IQCH: variants seen among roughly 807,000 people sequenced by gnomAD.
IQCH encodes the protein IQ domain-containing protein H.
Under a neutral mutation model 117.0 loss-of-function variants are expected in IQCH, and 98 were observed. The observed-to-expected ratio is 0.84, with a 90% CI of 0.71 to 0.99. The LOEUF is 0.99. Among genes scored for constraint, IQCH ranks in the 50% least tolerant of loss-of-function variants. The probability of loss-of-function intolerance (pLI) is 0.00; values close to 1 mark genes in which losing one functional copy is unlikely to be tolerated. For synonymous variants in IQCH, 412 were observed against 448.2 expected (o/e 0.92, Z 1.02); for missense variants, 1,102 against 1,243.8 (o/e 0.89, Z 1.72).
At chr15:67,442,744 G>A (rs953809079) in intron 16 of IQCH, among the ~76,000 whole-genome samples, 2 of 151,856 alleles carry the variant, frequency 1.3e-5, no homozygotes, top group African/African-American at 4.8e-5. Flanking sequence ...ATTTATAGCA[G>A]CACAATTCAC....
intron 16 of IQCH, among the ~76,000 whole-genome samples, chr15:67,451,767 C>T (rs888055534): frequency 1.3e-5 from 2 of 152,102 alleles, no homozygotes; most frequent in Non-Finnish European, 2.9e-5. Context: ...GAGTTCAATT[C>T]CTGGGTGTCC....
In IQCH at chr15:67,445,836, A is replaced by C. The variant is rs767170615; in HGVS notation, c.2506-19291A>C. Among the ~76,000 whole-genome samples the C allele has an allele frequency of 2.0e-5, 3 of 152,194 alleles. No individual in the cohort carries two copies. Among genetic ancestry groups the C allele is most frequent in the Non-Finnish European group, 2.9e-5 (2 of 68,032 alleles). Reference sequence around the variant, plus strand: ...TGATCAGGTAGTCAGGAACCAATAGAAGTCCAAATAATGCAACAAAATTCA... The same window carrying C: ...TGATCAGGTAGTCAGGAACCAATAGCAGTCCAAATAATGCAACAAAATTCA... On this transcript the variant is annotated intron_variant, in intron 16 of 20. Coordinates refer to ENST00000335894, the MANE Select transcript of IQCH (RefSeq NM_001031715.3). This position sits in a 1 kb window ranked among gnomAD's most constrained non-coding sequence, Gnocchi z 4.3.
chr15:67,366,921 T>C lies in IQCH; in HGVS notation c.754-5190T>C, dbSNP rs1028085649. On this transcript the variant is annotated intron_variant, in intron 8 of 20. Transcript: ENST00000335894. This position sits in a 1 kb window ranked among gnomAD's most constrained non-coding sequence, Gnocchi z 4.4. ...ACGAAAAAAATCCCCCAGGTTTTTT[T>C]CATGGTGCATAAAGTGATGCCATTG... 6.6e-6 allele frequency among the ~76,000 whole-genome samples: 1 copy of C among 152,210 alleles called. No individual in the cohort carries two copies. Among genetic ancestry groups the C allele is most frequent in the Non-Finnish European group, 1.5e-5 (1 of 68,034 alleles).
chr15:67,327,775 C>T (rs1968477388), intron 4 of IQCH, among the ~76,000 whole-genome samples: 1 of 152,140 alleles, frequency 6.6e-6, no homozygotes, highest in Admixed American at 6.5e-5. Context: ...TGGCTGGGCT[C>T]CTTTAAAACC....
intron 4 of IQCH, among the ~76,000 whole-genome samples, chr15:67,295,520 T>C (rs1794841454): frequency 6.6e-6 from 1 of 152,172 alleles, no homozygotes; most frequent in Non-Finnish European, 1.5e-5. Context: ...CTAGCAGCCA[T>C]CTTAGACCAG....
intron 16 of IQCH, among the ~76,000 whole-genome samples, chr15:67,452,365 G>A (rs958508874): frequency 6.6e-6 from 1 of 152,174 alleles, no homozygotes; most frequent in African/African-American, 2.4e-5. Context: ...GCTGGTACTG[G>A]TTGTTCCTTT....
rs1201292894 is a variant in IQCH, at chr15:67,371,523, G to C, written c.754-588G>C. 3.8e-6 allele frequency: 6 copies of C among 1,570,300 alleles called. No individual in the cohort carries two copies. In the African/African-American group the frequency reaches 8.2e-5, roughly 21 times the overall value. On this transcript the variant is annotated intron_variant, in intron 8 of 20. Coordinates refer to ENST00000335894, the MANE Select transcript of IQCH (RefSeq NM_001031715.3). ...AGAACACGTGTCAAGAGAAACCTAA[G>C]AATGACAAAGGTGATAACATATAAC...
At chr15:67,317,555 T>A (rs1967907535) in intron 4 of IQCH, among the ~76,000 whole-genome samples, 1 of 152,196 alleles carries the variant, frequency 6.6e-6, no homozygotes. Flanking sequence ...AAGGTAGAAT[T>A]AATTTTCTCT....
At chr15:67,350,283 T>C (rs1351768535) in intron 6 of IQCH, among the ~76,000 whole-genome samples, 1 of 152,186 alleles carries the variant, frequency 6.6e-6, no homozygotes, top group Non-Finnish European at 1.5e-5. Context: ...CTACACACCA[T>C]ATGATTCTAT....
At chr15:67,275,820 C>T (rs1438889766) in intron 3 of IQCH, among the ~76,000 whole-genome samples, 2 of 152,190 alleles carry the variant, frequency 1.3e-5, no homozygotes, top group African/African-American at 2.4e-5. Context: ...ATTGAGGCTG[C>T]AGTGAGCCGT....
rs1430818947 is a variant in IQCH, at chr15:67,344,174, G to GT, written c.621dup (p.Lys208Ter). ...CCTCTGCATAGTTTTGATGAAGCAC[G>GT]TAAGATTCCAACTGTAGGTAAGATA... On this transcript the variant is annotated frameshift_variant, in exon 6 of 21. Coordinates refer to ENST00000335894, the MANE Select transcript of IQCH (RefSeq NM_001031715.3). LOFTEE classifies it high-confidence loss of function. The GT allele has an allele frequency of 6.2e-7, 1 of 1,613,210 alleles. No individual in the cohort carries two copies. Among genetic ancestry groups the GT allele is most frequent in the Non-Finnish European group, 8.5e-7 (1 of 1,179,584 alleles).
chr15:67,412,694 C>T (rs1192471685), intron 14 of IQCH, among the ~76,000 whole-genome samples: 1 of 152,142 alleles, frequency 6.6e-6, no homozygotes, highest in Non-Finnish European at 1.5e-5. Context: ...CCACCGCGCC[C>T]GGCCTCATTT....
rs2140930595 is a variant in IQCH, at chr15:67,426,019, G to C, written c.2505+4442G>C. 6.6e-6 allele frequency among the ~76,000 whole-genome samples: 1 copy of C among 152,270 alleles called. No homozygotes were observed. Among genetic ancestry groups the C allele is most frequent in the South Asian group, 2.1e-4 (1 of 4,818 alleles). The stretch of plus-strand genomic sequence containing the variant: ...TTCAGGGTGTGTCTTGTGTCCTTTT[G>C]ACATGTCCTCATCATTCTTTGAGCA... On this transcript the variant is annotated intron_variant, in intron 16 of 20. Coordinates refer to ENST00000335894, the MANE Select transcript of IQCH (RefSeq NM_001031715.3). This position sits in a 1 kb window ranked among gnomAD's most constrained non-coding sequence, Gnocchi z 5.1.
intron 16 of IQCH, among the ~76,000 whole-genome samples, chr15:67,461,458 C>T (rs1025202184): frequency 1.3e-5 from 2 of 152,166 alleles, no homozygotes; most frequent in African/African-American, 4.8e-5. Context: ...TGGCAGCATC[C>T]CCTAAAGGGC....
At chr15:67,345,974 TAAG>T (rs943553148) in intron 6 of IQCH, among the ~76,000 whole-genome samples, 2 of 152,062 alleles carry the variant, frequency 1.3e-5, no homozygotes, top group Non-Finnish European at 2.9e-5. Flanking sequence ...TATTCCAAAA[TAAG>T]AAGTTTATAT....
At position 67,366,201 on chromosome 15, in the gene IQCH, G is replaced by T. The variant is rs1300871152; in HGVS notation, c.754-5910G>T. On this transcript the variant is annotated intron_variant, in intron 8 of 20. Transcript: ENST00000335894. This position sits in a 1 kb window ranked among gnomAD's most constrained non-coding sequence, Gnocchi z 4.4. ...CTGCTTTTGATTCCCATCCTGTCAG[G>T]CTTCCTGTCCACATCCCCAGCAGGT... Among the ~76,000 whole-genome samples the T allele has an allele frequency of 1.3e-5, 2 of 152,154 alleles. No homozygotes were observed. Among genetic ancestry groups the T allele is most frequent in the African/African-American group, 4.8e-5 (2 of 41,444 alleles).
intron 3 of IQCH, among the ~76,000 whole-genome samples, chr15:67,267,399 C>T (rs1485856338): frequency 6.6e-6 from 1 of 152,200 alleles, no homozygotes; most frequent in South Asian, 2.1e-4. Context: ...ATTTCTAATG[C>T]AGATGATTTG....
chr15:67,273,097 G>C (rs140804478), intron 3 of IQCH, among the ~76,000 whole-genome samples: 2 of 151,872 alleles, frequency 1.3e-5, no homozygotes, highest in African/African-American at 4.8e-5. Flanking sequence ...TGGAGACAGG[G>C]TCTCTCTCTG....
At position 67,390,807 on chromosome 15, in the gene IQCH, T is replaced by G. The variant is rs973519548; in HGVS notation, c.1632+1801T>G. On this transcript the variant is annotated intron_variant, in intron 12 of 20. Transcript: ENST00000335894. The surrounding 1 kb of genome is among the most constrained non-coding windows in gnomAD (Gnocchi z 5.0). ...CCCAGCCCAGTTTCTCATTTGATTC[T>G]CAGAAGAATGCATCAAGATGGAAAG... Among the ~76,000 whole-genome samples, 17 of 152,172 alleles carry G rather than the reference T, an allele frequency of 1.1e-4. 1 individual carries two copies. Among genetic ancestry groups the G allele is most frequent in the African/African-American group, 3.9e-4 (16 of 41,454 alleles).
Sources: allele counts gnomAD v4.1 joint callset (sites outside exome capture counted in the v4.1 genomes callset), GRCh38; gene constraint gnomAD v4.1.1; non-coding constraint Gnocchi (gnomAD v3.1); transcripts MANE v1.5; gene names NCBI Gene and HGNC (gene_info 2026-07-23, HGNC 2026-07-21).